TECRL: variants seen among roughly 807,000 people sequenced by gnomAD.
TECRL encodes the protein trans-2,3-enoyl-CoA reductase like.
A neutral mutation model predicts 52.8 loss-of-function variants in TECRL; 63 were observed. That is an observed-to-expected ratio of 1.19 (90% CI 0.97 to 1.47). The LOEUF is 1.47. TECRL is among the 40% of genes most tolerant of loss of function. The pLI is 0.00. For synonymous variants in TECRL, 164 were observed against 141.9 expected, an observed-to-expected ratio of 1.16 and a Z score of -1.10; for missense variants, 482 against 429.6, an observed-to-expected ratio of 1.12 and a Z score of -1.08.
At chr4:64,338,959 T>A (rs1719337760) in intron 2 of TECRL, among the ~76,000 whole-genome samples, 1 of 152,208 alleles carries the variant, frequency 6.6e-6, no homozygotes, top group Admixed American at 6.5e-5. Flanking sequence ...ATATAAATCA[T>A]GCTGCTATGA....
At chr4:64,384,979 G>A (rs376803803) in intron 1 of TECRL, among the ~76,000 whole-genome samples, 1 of 152,168 alleles carries the variant, frequency 6.6e-6, no homozygotes, top group East Asian at 1.9e-4. Flanking sequence ...GCAGTGGTGG[G>A]CAGTGCAGAC....
intron 8 of TECRL, among the ~76,000 whole-genome samples, chr4:64,298,642 T>G (rs1455113624): frequency 6.6e-6 from 1 of 151,024 alleles, no homozygotes; most frequent in Admixed American, 6.6e-5. Flanking sequence ...GGGAAGAAAT[T>G]AATAATATTA....
At chr4:64,303,053 G>A (rs116755283) in intron 7 of TECRL, among the ~76,000 whole-genome samples, 394 of 151,124 alleles carry the variant, frequency 2.6e-3, no homozygotes, top group Non-Finnish European at 5.0e-3. Context: ...TGCTATTTGT[G>A]CTTTGTGAGT....
chr4:64,353,019 C>G (rs1335075028), intron 2 of TECRL, among the ~76,000 whole-genome samples: 1 of 152,110 alleles, frequency 6.6e-6, no homozygotes, highest in Non-Finnish European at 1.5e-5. Context: ...GCACCCAATT[C>G]AATACTTTGT....
rs1224524765 is a variant in TECRL, at chr4:64,374,015, A to ATAGTATC, written c.286+1156_286+1157insGATACTA. Among the ~76,000 whole-genome samples the ATAGTATC allele has an allele frequency of 2.9e-5, 4 of 140,134 alleles. No homozygotes were observed. In the Admixed American group the frequency reaches 2.9e-4, roughly 10 times the overall value. 91.9% of individuals were successfully genotyped at this position (140,134 alleles called of 152,430 possible). A position where few individuals can be genotyped will look rare whatever the true frequency, so the allele number is the denominator to read the frequency against. On this transcript the variant is annotated intron_variant, in intron 2 of 11. Transcript: ENST00000381210. ...TATCTACTATACTATAGTATAGTAT[A>ATAGTATC]TAGTAGATACATATATATATATGTA...
intron 1 of TECRL, among the ~76,000 whole-genome samples, chr4:64,403,475 G>GCGCACACACACACA (rs59253067): frequency 0.013 from 1,914 of 148,316 alleles, 22 homozygotes; most frequent in African/African-American, 0.025. Flanking sequence ...CTCCCTGAGC[G>GCGCACACACACACA]CACACACACA....
intron 2 of TECRL, among the ~76,000 whole-genome samples, chr4:64,368,252 G>C (rs1721738888): frequency 6.6e-6 from 1 of 150,850 alleles, no homozygotes; most frequent in South Asian, 2.1e-4. Flanking sequence ...CTAAAATGTT[G>C]ACAAGGCTCA....
chr4:64,408,244 G>A (rs554428413), intron 1 of TECRL, among the ~76,000 whole-genome samples: 6 of 151,868 alleles, frequency 4.0e-5, no homozygotes, highest in Admixed American at 1.3e-4. Context: ...ATGGAAAAAC[G>A]GAATGATTGA....
In TECRL at chr4:64,385,989, C is replaced by T. The variant is rs150084628; in HGVS notation, c.235-10766G>A. Among the ~76,000 whole-genome samples the T allele has an allele frequency of 2.3e-3, 352 of 152,250 alleles. 1 individual carries two copies. The highest frequency in any genetic ancestry group is 7.8e-3 in the African/African-American group (324 of 41,550). ...TTCCTGCTCAATTTCAGTGTTCTCT[C>T]CTAGATGCCCTATCCAACCTGTGAT... On this transcript the variant is annotated intron_variant, in intron 1 of 11. Transcript: ENST00000381210.
chr4:64,335,487 T>C (rs1372328322), intron 2 of TECRL, among the ~76,000 whole-genome samples: 3 of 152,198 alleles, frequency 2.0e-5, no homozygotes, highest in Non-Finnish European at 4.4e-5. Flanking sequence ...AATGTCATAA[T>C]GATAGAAGTA....
chr4:64,393,575 G>A (rs1356569372), intron 1 of TECRL, among the ~76,000 whole-genome samples: 1 of 151,716 alleles, frequency 6.6e-6, no homozygotes, highest in Non-Finnish European at 1.5e-5. Context: ...AACAATATGA[G>A]GATATTTTAG....
At chr4:64,351,837 C>T (rs1478120219) in intron 2 of TECRL, among the ~76,000 whole-genome samples, 1 of 152,134 alleles carries the variant, frequency 6.6e-6, no homozygotes, top group East Asian at 1.9e-4. Flanking sequence ...TTGTGAACTA[C>T]ACTTTATAAA....
rs35767709 is a variant in TECRL, at chr4:64,295,955, C to T, written c.774+4019G>A. Among the ~76,000 whole-genome samples the T allele has an allele frequency of 6.3e-3, 958 of 151,946 alleles. 4 individuals carry two copies. The highest frequency in any genetic ancestry group is 0.011 in the Non-Finnish European group (733 of 67,846). Reference sequence around the variant, plus strand: ...AAAATTGATTCCTGTGTATGTTATTCTTTATATCAGATGCTTCAGGAAATT... The same window carrying T: ...AAAATTGATTCCTGTGTATGTTATTTTTTATATCAGATGCTTCAGGAAATT... On this transcript the variant is annotated intron_variant, in intron 8 of 11. Coordinates refer to ENST00000381210, the MANE Select transcript of TECRL (RefSeq NM_001010874.5).
At position 64,281,572 on chromosome 4, in the gene TECRL, A is replaced by C; in HGVS notation, c.833-13T>G. 6.8e-7 allele frequency: 1 copy of C among 1,477,388 alleles called. No individual in the cohort carries two copies. Among genetic ancestry groups the C allele is most frequent in the South Asian group, 1.2e-5 (1 of 86,520 alleles). 91.5% of individuals were successfully genotyped at this position (1,477,388 alleles called of 1,614,324 possible). On this transcript the variant is annotated splice_polypyrimidine_tract_variant and intron_variant, in intron 9 of 11. Transcript: ENST00000381210. ...CAGGCATTGTTTCCTTTTTCAAAGGAAAGTAAAATGTCAATGATGCTACAC... is the reference window on the plus strand; with the variant it reads ...CAGGCATTGTTTCCTTTTTCAAAGGCAAGTAAAATGTCAATGATGCTACAC...
chr4:64,300,912 C>T (rs1207309184), intron 7 of TECRL, among the ~76,000 whole-genome samples: 1 of 150,888 alleles, frequency 6.6e-6, no homozygotes, highest in Non-Finnish European at 1.5e-5. Context: ...GAAAAGGTCA[C>T]TTTAATTTTA....
Position 64,281,496 on chromosome 4 carries a change from G to A in TECRL, c.896C>T (p.Ser299Leu). The change falls in exon 10 of 12, where the codon TCA (serine) becomes TTA (leucine). Residue 299 changes from serine (S) to leucine (L), a missense_variant. By Grantham distance (145) the Ser-to-Leu change is moderately radical. Coordinates refer to ENST00000381210, the MANE Select transcript of TECRL (RefSeq NM_001010874.5). Reference protein sequence around the residue: ...NPFTWMFFLVSCPNYTYEIGS... With the variant: ...NPFTWMFFLVLCPNYTYEIGS... Reference sequence around the variant, plus strand: ...TACCTCATAGGTGTAGTTAGGACATGAAACCAGGAAAAACATCCATGTGAA... The same window carrying A: ...TACCTCATAGGTGTAGTTAGGACATAAAACCAGGAAAAACATCCATGTGAA... 1 of 1,603,964 alleles carries A rather than the reference G, an allele frequency of 6.2e-7. No homozygotes were observed. Among genetic ancestry groups the A allele is most frequent in the Non-Finnish European group, 8.5e-7 (1 of 1,174,148 alleles).
intron 1 of TECRL, among the ~76,000 whole-genome samples, chr4:64,391,699 G>A (rs2109748425): frequency 6.6e-6 from 1 of 151,912 alleles, no homozygotes; most frequent in East Asian, 1.9e-4. Context: ...GACATTAACA[G>A]AGACTGGATA....
intron 1 of TECRL, among the ~76,000 whole-genome samples, chr4:64,393,234 T>C (rs1723673259): frequency 2.0e-5 from 3 of 152,010 alleles, no homozygotes; most frequent in Admixed American, 6.6e-5. Flanking sequence ...TCTCCCTGAC[T>C]GAAATCTTTG....
At chr4:64,299,543 G>C (rs1723884490) in intron 8 of TECRL, among the ~76,000 whole-genome samples, 1 of 150,944 alleles carries the variant, frequency 6.6e-6, no homozygotes, top group Admixed American at 6.6e-5. Context: ...AATTGAATGA[G>C]AACAGTTTAG....
Sources: gnomAD v4.1 joint callset for allele counts (sites outside exome capture counted in the v4.1 genomes callset) on GRCh38, gnomAD v4.1.1 for gene constraint, MANE v1.5 for transcripts, NCBI Gene and HGNC (gene_info 2026-07-23, HGNC 2026-07-21) for gene names.